Variants in IQCB1 observed in about 807,000 individuals in gnomAD.
IQCB1 encodes the protein IQ calmodulin-binding motif-containing protein 1.
IQCB1 carries 56 observed loss-of-function variants against 84.4 expected under a neutral mutation model. The ratio of observed to expected loss-of-function variants is 0.66; its 90% confidence interval spans 0.54 to 0.83. The LOEUF (loss-of-function observed/expected upper bound fraction) is 0.83, where lower values mean the gene tolerates loss of function less well. Ranked by LOEUF, IQCB1 falls within the 40% of genes least tolerant of loss-of-function variation. The pLI is 0.00. For synonymous variants in IQCB1, 210 were observed against 234.8 expected (o/e 0.89, Z 0.96); for missense variants, 629 against 682.1 (o/e 0.92, Z 0.87).
intron 5 of IQCB1, among the ~76,000 whole-genome samples, chr3:121,812,828 C>T (rs1208560446): frequency 6.6e-6 from 1 of 152,114 alleles, no homozygotes; most frequent in Non-Finnish European, 1.5e-5. Context: ...AGAATGGAAC[C>T]AAGTTGGAAA....
At chr3:121,779,134 A>G (rs907058775) in intron 13 of IQCB1, among the ~76,000 whole-genome samples, 1 of 151,964 alleles carries the variant, frequency 6.6e-6, no homozygotes, top group Non-Finnish European at 1.5e-5. Context: ...TGGTTTGACA[A>G]TTTTGATTAT....
intron 12 of IQCB1, among the ~76,000 whole-genome samples, chr3:121,786,846 T>A (rs115771221): frequency 0.01 from 1,554 of 152,122 alleles, 18 homozygotes; most frequent in African/African-American, 0.035. Context: ...AGTATTGGGG[T>A]CATCTAAATC....
intron 5 of IQCB1, among the ~76,000 whole-genome samples, chr3:121,821,778 G>A (rs542803272): frequency 2.8e-4 from 42 of 152,264 alleles, no homozygotes; most frequent in African/African-American, 9.4e-4. Context: ...GCAAGCAAAG[G>A]CACACAGACA....
intron 11 of IQCB1, among the ~76,000 whole-genome samples, chr3:121,788,874 A>G (rs183811186): frequency 1.2e-4 from 19 of 152,338 alleles, no homozygotes; most frequent in Non-Finnish European, 2.6e-4. Flanking sequence ...GGAGTTGCTC[A>G]GCATACAGCC....
intron 5 of IQCB1, among the ~76,000 whole-genome samples, chr3:121,823,524 C>T (rs1950346596): frequency 6.6e-6 from 1 of 151,836 alleles, no homozygotes; most frequent in South Asian, 2.1e-4. Context: ...ACATCAGAAA[C>T]AAAAGATGCC....
At position 121,790,092 on chromosome 3, in the gene IQCB1, C is replaced by T; in HGVS notation, c.1110G>A (p.Met370Ile). The change falls in exon 11 of 15, where the codon ATG becomes ATA. Residue 370 changes from methionine (M) to isoleucine (I), a missense_variant. Transcript: ENST00000310864. The part of the protein sequence containing the change: ...MRLSRELQLS[M>I]LEIVHPGQVE... ...ACTCACCTGGATGAACTATTTCGAGCATACTCAGCTGCAATTCTCGGGAAA... is the reference window on the plus strand; with the variant it reads ...ACTCACCTGGATGAACTATTTCGAGTATACTCAGCTGCAATTCTCGGGAAA... 10 of 1,613,544 alleles carry T rather than the reference C, an allele frequency of 6.2e-6. No individual in the cohort carries two copies. Among genetic ancestry groups the T allele is most frequent in the Non-Finnish European group, 8.5e-6 (10 of 1,179,532 alleles).
intron 8 of IQCB1, among the ~76,000 whole-genome samples, chr3:121,798,513 T>A (rs1438345151): frequency 1.3e-5 from 2 of 151,922 alleles, no homozygotes; most frequent in African/African-American, 4.8e-5. Flanking sequence ...ACCTTTGTGA[T>A]CTTGGGCAAA....
In IQCB1 at chr3:121,828,879, T is replaced by C; in HGVS notation, c.82A>G (p.Ile28Val). The change falls in exon 3 of 15, where the codon ATA (isoleucine) becomes GTA (valine). Residue 28 changes from isoleucine (I) to valine (V), a missense_variant. By Grantham distance (29) the Ile-to-Val change is conservative. Transcript: ENST00000310864. Reference protein sequence around the residue: ...AKSPEQNVPVILLKLKEIINI... With the variant: ...AKSPEQNVPVVLLKLKEIINI... ...TTCTTACCTTTTAACTTCAACAGTATAACAGGGACATTCTGCTCAGGGCTT... is the reference window on the plus strand; with the variant it reads ...TTCTTACCTTTTAACTTCAACAGTACAACAGGGACATTCTGCTCAGGGCTT... 4 of 1,600,018 alleles carry C rather than the reference T, an allele frequency of 2.5e-6. No homozygotes were observed. The highest frequency in any genetic ancestry group is 2.6e-6 in the Non-Finnish European group (3 of 1,168,362).
chr3:121,791,041 A>G (rs1948945982), intron 10 of IQCB1, among the ~76,000 whole-genome samples: 1 of 152,180 alleles, frequency 6.6e-6, no homozygotes, highest in African/African-American at 2.4e-5. Flanking sequence ...ATCACTATGT[A>G]AGGAGACTAC....
chr3:121,786,170 C>CAAAAGAAAAGAAAAGAAAAGAAA (rs1948712799), intron 12 of IQCB1, among the ~76,000 whole-genome samples: 1 of 72,848 alleles, frequency 1.4e-5, no homozygotes, highest in Non-Finnish European at 2.5e-5. Context: ...GATTCTGTCT[C>CAAAAGAAAAGAAAAGAAAAGAAA]AAAAGAAAAG....
At chr3:121,792,015 G>A (rs1948995779) in intron 10 of IQCB1, among the ~76,000 whole-genome samples, 1 of 152,074 alleles carries the variant, frequency 6.6e-6, no homozygotes, top group Admixed American at 6.6e-5. Context: ...GAACCTGGGA[G>A]GTGGAGGTTG....
chr3:121,786,668 A>G (rs1411833638), intron 12 of IQCB1, among the ~76,000 whole-genome samples: 3 of 152,140 alleles, frequency 2.0e-5, no homozygotes, highest in Admixed American at 6.5e-5. Context: ...AGGAGATATG[A>G]GGCAAATGTG....
chr3:121,796,493 T>G (rs1236334494), intron 9 of IQCB1, among the ~76,000 whole-genome samples: 1 of 152,082 alleles, frequency 6.6e-6, no homozygotes, highest in Non-Finnish European at 1.5e-5. Context: ...TCATTTTGAG[T>G]ATGCTAGAGG....
At chr3:121,804,116 A>G (rs887400485) in intron 7 of IQCB1, among the ~76,000 whole-genome samples, 3 of 152,052 alleles carry the variant, frequency 2.0e-5, no homozygotes, top group Non-Finnish European at 4.4e-5. Flanking sequence ...GGTTCAAAGT[A>G]TACATTTCAA....
intron 7 of IQCB1, among the ~76,000 whole-genome samples, chr3:121,804,616 T>C (rs1197915322): frequency 6.6e-6 from 1 of 152,172 alleles, no homozygotes; most frequent in African/African-American, 2.4e-5. Context: ...ATAATGTTTT[T>C]TCATCTCTGG....
chr3:121,819,601 T>G (rs752417835), intron 5 of IQCB1, among the ~76,000 whole-genome samples: 17 of 152,288 alleles, frequency 1.1e-4, no homozygotes, highest in Non-Finnish European at 2.1e-4. Flanking sequence ...TTATACCCAA[T>G]TATGTACTTA....
At chr3:121,777,816 T>C (rs1460352883) in intron 13 of IQCB1, among the ~76,000 whole-genome samples, 1 of 152,182 alleles carries the variant, frequency 6.6e-6, no homozygotes, top group Non-Finnish European at 1.5e-5. Flanking sequence ...TTTATTATGA[T>C]TTTAAGTTAC....
chr3:121,785,372 A>G (rs2108534067), intron 12 of IQCB1, among the ~76,000 whole-genome samples: 1 of 151,762 alleles, frequency 6.6e-6, no homozygotes, highest in South Asian at 2.1e-4. Context: ...CCCCCACTTC[A>G]GTTTTCAGAG....
chr3:121,799,109 T>C, intron 8 of IQCB1, 87 bp downstream of exon 8: 1 of 989,590 alleles, frequency 1.0e-6, no homozygotes, highest in Non-Finnish European at 1.6e-6. Flanking sequence ...ATCAACTCTT[T>C]AAAATATAAG....
Sources: gnomAD v4.1 joint callset for allele counts (sites outside exome capture counted in the v4.1 genomes callset) on GRCh38, gnomAD v4.1.1 for gene constraint, MANE v1.5 for transcripts, NCBI Gene and HGNC (gene_info 2026-07-23, HGNC 2026-07-21) for gene names.